Variants in SASH1 observed in about 807,000 individuals in gnomAD.
SASH1 encodes SAM and SH3 domain-containing protein 1.
A neutral mutation model predicts 125.2 loss-of-function variants in SASH1; 44 were observed. That is an observed-to-expected ratio of 0.35 (90% CI 0.28 to 0.45). The LOEUF (loss-of-function observed/expected upper bound fraction) is 0.45. Among genes scored for constraint, SASH1 ranks in the 20% least tolerant of loss-of-function variants. The pLI is 1.00. For synonymous variants in SASH1, 639 were observed against 649.1 expected, an observed-to-expected ratio of 0.98 and a Z score of 0.24; for missense variants, 1,426 against 1,614.5, an observed-to-expected ratio of 0.88 and a Z score of 2.00.
intron 9 of SASH1, among the ~76,000 whole-genome samples, chr6:148,516,532 AGG>A (rs2115338288): frequency 7.9e-6 from 1 of 127,040 alleles, no homozygotes; most frequent in South Asian, 2.7e-4. Flanking sequence ...GGACTTACAA[AGG>A]GTTGATCCTT....
chr6:148,499,126 C>T (rs558384574), intron 8 of SASH1, among the ~76,000 whole-genome samples: 12 of 147,720 alleles, frequency 8.1e-5, no homozygotes, highest in South Asian at 2.1e-4. Context: ...GGCACTATCT[C>T]GGCTCACTGC....
At chr6:148,407,071 A>G (rs1459478608) in intron 2 of SASH1, among the ~76,000 whole-genome samples, 1 of 151,872 alleles carries the variant, frequency 6.6e-6, no homozygotes, top group Non-Finnish European at 1.5e-5. Flanking sequence ...ATTTTAAAAA[A>G]TTATAGTAAA....
intron 1 of SASH1, among the ~76,000 whole-genome samples, chr6:148,353,991 G>C (rs60640712): frequency 6.6e-6 from 1 of 152,058 alleles, no homozygotes; most frequent in Admixed American, 6.6e-5. Flanking sequence ...GCAAGATGGA[G>C]AGACCACACC....
the SASH1 span, among the ~76,000 whole-genome samples, chr6:148,201,717 G>T: frequency 6.6e-6 from 1 of 152,158 alleles, no homozygotes; most frequent in Admixed American, 6.5e-5. Flanking sequence ...GAGGGTGTTC[G>T]TGATACCAAG....
chr6:148,341,312 G>GT (rs1193406251), upstream of SASH1, among the ~76,000 whole-genome samples: 2 of 137,860 alleles, frequency 1.5e-5, no homozygotes, highest in African/African-American at 5.7e-5. Flanking sequence ...CTCTTGCTAT[G>GT]TTTTGTTTTT....
At chr6:148,387,589 T>C (rs1265580673) in intron 1 of SASH1, among the ~76,000 whole-genome samples, 2 of 8,382 alleles carry the variant, frequency 2.4e-4, no homozygotes, top group Non-Finnish European at 4.3e-4. Context: ...TCTTTCTTTC[T>C]TTCTTTCTTT....
At chr6:148,454,724 T>A (rs761102413) in intron 4 of SASH1, among the ~76,000 whole-genome samples, 2 of 152,168 alleles carry the variant, frequency 1.3e-5, no homozygotes, top group Non-Finnish European at 2.9e-5. Context: ...GCTGTGTGCA[T>A]CACAGGAGGC....
chr6:148,305,498 C>T (rs1259573493), intron 1 of SASH1, among the ~76,000 whole-genome samples: 1 of 151,960 alleles, frequency 6.6e-6, no homozygotes, highest in East Asian at 1.9e-4. Flanking sequence ...TGGCGGGCAC[C>T]TATAATCCCA....
At chr6:148,308,647 C>T (rs13204586) in intron 1 of SASH1, among the ~76,000 whole-genome samples, 2 of 150,296 alleles carry the variant, frequency 1.3e-5, no homozygotes, top group African/African-American at 2.4e-5. Context: ...CCACCCACCT[C>T]GGCCTCCCAA....
intron 17 of SASH1, among the ~76,000 whole-genome samples, chr6:148,542,985 TC>T (rs1782323619): frequency 6.6e-6 from 1 of 152,190 alleles, no homozygotes; most frequent in Non-Finnish European, 1.5e-5. Flanking sequence ...CAGTTTAGTA[TC>T]AACTACCAGT....
chr6:148,213,384 G>A, the SASH1 span, among the ~76,000 whole-genome samples: 1 of 152,004 alleles, frequency 6.6e-6, no homozygotes, highest in Admixed American at 6.6e-5. Flanking sequence ...TAAATTTTCT[G>A]TGACAAAAAT....
intron 4 of SASH1, among the ~76,000 whole-genome samples, chr6:148,467,635 G>A (rs1777908338): frequency 6.6e-6 from 1 of 152,252 alleles, no homozygotes; most frequent in Non-Finnish European, 1.5e-5. Flanking sequence ...TAGAGCTCTT[G>A]TATAAAAATA....
chr6:148,385,608 C>T (rs1783332243), intron 1 of SASH1, among the ~76,000 whole-genome samples: 1 of 152,130 alleles, frequency 6.6e-6, no homozygotes, highest in South Asian at 2.1e-4. Flanking sequence ...GCCCCACCTC[C>T]CAACCTCTGG....
chr6:148,550,301 C>T lies in SASH1; in HGVS notation c.*1743C>T, dbSNP rs1782815759. The T allele has an allele frequency of 6.6e-6, 1 of 152,108 alleles. No homozygotes were observed. Among genetic ancestry groups the T allele is most frequent in the Non-Finnish European group, 1.5e-5 (1 of 68,032 alleles). 9.4% of individuals were successfully genotyped at this position (152,108 alleles called of 1,614,324 possible). On this transcript the variant is annotated 3_prime_UTR_variant, in exon 20 of 20. Coordinates refer to ENST00000367467, the MANE Select transcript of SASH1 (RefSeq NM_015278.5). ...TCATTTATAATAGAAACACCTTGAC[C>T]ACAAGCCCTTGATTGAACATTTTAT... is the stretch of plus-strand genomic sequence containing the variant.
At chr6:148,391,580 C>T (rs1783732415) in intron 2 of SASH1, among the ~76,000 whole-genome samples, 2 of 152,138 alleles carry the variant, frequency 1.3e-5, no homozygotes, top group African/African-American at 4.8e-5. Flanking sequence ...TCCTCTCACT[C>T]AGGTGCATTG....
At chr6:148,425,956 C>A (rs962160408) in intron 2 of SASH1, among the ~76,000 whole-genome samples, 1 of 152,058 alleles carries the variant, frequency 6.6e-6, no homozygotes, top group Non-Finnish European at 1.5e-5. Context: ...TACCTGTAAT[C>A]CCAGCACTTT....
Position 148,525,315 on chromosome 6 carries a change from G to T in SASH1, c.1234G>T (p.Asp412Tyr). ...HGRTCSFGGF[D>Y]LTNRSLHVGS... Reference sequence around the variant, plus strand: ...GAGAACCTGCAGTTTTGGAGGATTTGACTTGACGAATCGCTCTCTGCACGT... The same window carrying T: ...GAGAACCTGCAGTTTTGGAGGATTTTACTTGACGAATCGCTCTCTGCACGT... Residue 412 changes from aspartate (D) to tyrosine (Y), a missense_variant, in exon 11 of 20, where the codon GAC becomes TAC. Coordinates refer to ENST00000367467, the MANE Select transcript of SASH1 (RefSeq NM_015278.5). The T allele has an allele frequency of 6.2e-7, 1 of 1,614,024 alleles. No homozygotes were observed. The highest frequency in any genetic ancestry group is 1.1e-5 in the South Asian group (1 of 91,018).
intron 19 of SASH1, 92 bp downstream of exon 19, chr6:148,546,238 C>T: frequency 6.9e-7 from 1 of 1,443,994 alleles, no homozygotes; most frequent in Admixed American, 2.3e-5. Flanking sequence ...TAGGCAAGGG[C>T]TTGCGTAGCT....
chr6:148,199,558 T>C, the SASH1 span, among the ~76,000 whole-genome samples: 1 of 151,958 alleles, frequency 6.6e-6, no homozygotes, highest in Non-Finnish European at 1.5e-5. Context: ...ATTAACTAGA[T>C]GTGATGGTGC....
Sources: gnomAD v4.1 joint callset for allele counts (sites outside exome capture counted in the v4.1 genomes callset) on GRCh38, gnomAD v4.1.1 for gene constraint, MANE v1.5 for transcripts, NCBI Gene and HGNC (gene_info 2026-07-23, HGNC 2026-07-21) for gene names.